Variants in MOB3B observed in about 807,000 individuals in gnomAD.
MOB3B encodes the protein MOB kinase activator-like 2B.
MOB3B carries 7 observed loss-of-function variants against 18.7 expected under a neutral mutation model. That is an observed-to-expected ratio of 0.37 (90% CI 0.21 to 0.70). MOB3B has a LOEUF of 0.70. MOB3B is among the 30% of genes least tolerant of loss of function. The pLI, the probability that MOB3B is intolerant of heterozygous loss-of-function variation, is 0.52. For missense variants in MOB3B, 253 were observed against 281.3 expected (o/e 0.90, Z 0.72); for synonymous variants, 111 against 99.9 (o/e 1.11, Z -0.66).
intron 2 of MOB3B, among the ~76,000 whole-genome samples, chr9:27,441,811 T>G (rs1230159441): frequency 1.3e-5 from 2 of 152,076 alleles, no homozygotes; most frequent in Non-Finnish European, 2.9e-5. Context: ...GCCTACTAGG[T>G]ACAAAGGACT....
chr9:27,381,688 C>T (rs1196691379), intron 2 of MOB3B, among the ~76,000 whole-genome samples: 3 of 152,120 alleles, frequency 2.0e-5, no homozygotes, highest in Non-Finnish European at 2.9e-5. Flanking sequence ...ACTCTGTTGT[C>T]CAGGCTGGTG....
intron 2 of MOB3B, among the ~76,000 whole-genome samples, chr9:27,427,540 T>C (rs1383335714): frequency 6.6e-6 from 1 of 152,196 alleles, no homozygotes; most frequent in African/African-American, 2.4e-5. Flanking sequence ...GATAAGTAGG[T>C]ACATAGAAGG....
chr9:27,470,585 T>G (rs1408074515), intron 1 of MOB3B, among the ~76,000 whole-genome samples: 1 of 152,214 alleles, frequency 6.6e-6, no homozygotes, highest in Non-Finnish European at 1.5e-5. Context: ...CCTTTGTATC[T>G]AAACAGTCCG....
chr9:27,503,099 A>C (rs989405091), intron 1 of MOB3B, among the ~76,000 whole-genome samples: 1 of 152,164 alleles, frequency 6.6e-6, no homozygotes, highest in Admixed American at 6.5e-5. Context: ...GCCGGACTTC[A>C]GGCATCTAAT....
intron 3 of MOB3B, among the ~76,000 whole-genome samples, chr9:27,344,359 A>C (rs1275183523): frequency 6.6e-6 from 1 of 152,218 alleles, no homozygotes; most frequent in Non-Finnish European, 1.5e-5. Flanking sequence ...TATTAGAAAA[A>C]TGAGAATTAT....
chr9:27,509,459 C>T (rs1820108711), intron 1 of MOB3B, among the ~76,000 whole-genome samples: 1 of 152,188 alleles, frequency 6.6e-6, no homozygotes, highest in African/African-American at 2.4e-5. Flanking sequence ...CTCTGTTGCC[C>T]AGGCTTGAGG....
At chr9:27,376,285 A>G (rs1184524625) in intron 2 of MOB3B, among the ~76,000 whole-genome samples, 1 of 152,238 alleles carries the variant, frequency 6.6e-6, no homozygotes, top group East Asian at 1.9e-4. Flanking sequence ...CCTTGGCTAA[A>G]TTCTTAGGAG....
intron 3 of MOB3B, among the ~76,000 whole-genome samples, chr9:27,349,916 G>T (rs937753145): frequency 6.6e-6 from 1 of 152,192 alleles, no homozygotes; most frequent in Non-Finnish European, 1.5e-5. Flanking sequence ...CTTTGTGGAG[G>T]GAGTGGTTGT....
chr9:27,480,361 G>A (rs182669010), intron 1 of MOB3B, among the ~76,000 whole-genome samples: 38 of 150,566 alleles, frequency 2.5e-4, no homozygotes, highest in African/African-American at 9.3e-4. Context: ...GTGCAGTGAC[G>A]CGATCTCGGC....
chr9:27,377,362 T>C (rs1003987886), intron 2 of MOB3B, among the ~76,000 whole-genome samples: 7 of 151,996 alleles, frequency 4.6e-5, no homozygotes, highest in African/African-American at 1.7e-4. Flanking sequence ...AGACGATGAG[T>C]CATTCTCTCA....
At chr9:27,464,784 A>G (rs772507228) in intron 1 of MOB3B, among the ~76,000 whole-genome samples, 3 of 152,158 alleles carry the variant, frequency 2.0e-5, no homozygotes, top group Non-Finnish European at 4.4e-5. Context: ...TGGCAGCAGC[A>G]AGAGAAAAAT....
intron 1 of MOB3B, among the ~76,000 whole-genome samples, chr9:27,518,143 A>G (rs540633833): frequency 3.3e-5 from 5 of 152,358 alleles, no homozygotes; most frequent in Middle Eastern, 6.8e-3. Flanking sequence ...AGAAATGTCA[A>G]GAAACCTTAT....
At chr9:27,510,994 A>C (rs1820133412) in intron 1 of MOB3B, among the ~76,000 whole-genome samples, 1 of 152,170 alleles carries the variant, frequency 6.6e-6, no homozygotes. Context: ...GCCAGGTCCC[A>C]TAAGTCAGGT....
chr9:27,410,122 T>A (rs898472181), intron 2 of MOB3B, among the ~76,000 whole-genome samples: 5 of 152,172 alleles, frequency 3.3e-5, no homozygotes, highest in African/African-American at 1.2e-4. Context: ...AACAAATTTT[T>A]AAAAAATGTT....
intron 2 of MOB3B, among the ~76,000 whole-genome samples, chr9:27,438,377 G>C (rs1447751912): frequency 6.6e-6 from 1 of 152,160 alleles, no homozygotes; most frequent in South Asian, 2.1e-4. Flanking sequence ...CTTCAGAACT[G>C]CTACTGCTGA....
At position 27,529,419 on chromosome 9, in the gene MOB3B, G is replaced by C. The variant is rs545142030; in HGVS notation, c.-199+136C>G. 6 of 425,902 alleles carry C rather than the reference G, an allele frequency of 1.4e-5. No individual in the cohort carries two copies. The East Asian group carries it at 8.0e-4, about 57-fold the overall frequency. 26.4% of individuals were successfully genotyped at this position (425,902 alleles called of 1,614,324 possible). Reference sequence around the variant, plus strand: ...GCCCGTGGCCGGCGGGCAGAAGACCGGTCCGCCGCCTCCCGCACCTTCTTG... The same window carrying C: ...GCCCGTGGCCGGCGGGCAGAAGACCCGTCCGCCGCCTCCCGCACCTTCTTG... On this transcript the variant is annotated intron_variant, in intron 1 of 3. Transcript: ENST00000262244.
chr9:27,473,043 A>C (rs1223458530), intron 1 of MOB3B, among the ~76,000 whole-genome samples: 1 of 152,230 alleles, frequency 6.6e-6, no homozygotes, highest in African/African-American at 2.4e-5. Context: ...CAGAGATTTT[A>C]AGTGATTACA....
chr9:27,388,016 C>T (rs1271019907), intron 2 of MOB3B, among the ~76,000 whole-genome samples: 1 of 152,138 alleles, frequency 6.6e-6, no homozygotes, highest in Non-Finnish European at 1.5e-5. Flanking sequence ...CTACCACTGG[C>T]ACCTGGCAAG....
chr9:27,368,638 T>C (rs1281456739), intron 2 of MOB3B, among the ~76,000 whole-genome samples: 1 of 152,204 alleles, frequency 6.6e-6, no homozygotes, highest in African/African-American at 2.4e-5. Flanking sequence ...GCTACTACTC[T>C]GTTTTCCAAC....
Sources: gnomAD v4.1 joint callset for allele counts (sites outside exome capture counted in the v4.1 genomes callset) on GRCh38, gnomAD v4.1.1 for gene constraint, MANE v1.5 for transcripts, NCBI Gene and HGNC (gene_info 2026-07-23, HGNC 2026-07-21) for gene names.